Variants in CTNNA1 observed in about 807,000 individuals in gnomAD.
The protein encoded by CTNNA1 is catenin alpha-1.
In CTNNA1, 37 loss-of-function variants were observed where a neutral mutation model predicts 98.4. The observed-to-expected ratio is 0.38, with a 90% CI of 0.29 to 0.49. The LOEUF is 0.49. Among genes scored for constraint, CTNNA1 ranks in the 20% least tolerant of loss-of-function variants. The probability of loss-of-function intolerance (pLI) is 0.95; values close to 1 mark genes in which losing one functional copy is unlikely to be tolerated. For synonymous variants in CTNNA1, 404 were observed against 413.2 expected, an observed-to-expected ratio of 0.98 and a Z score of 0.27; for missense variants, 761 against 1,147.2, an observed-to-expected ratio of 0.66 and a Z score of 4.86.
At chr5:138,805,993 C>T (rs1279757175) in intron 3 of CTNNA1, among the ~76,000 whole-genome samples, 1 of 152,068 alleles carries the variant, frequency 6.6e-6, no homozygotes, top group Admixed American at 6.6e-5. Flanking sequence ...AAGACTTACA[C>T]CAGTGTTATC....
chr5:138,909,772 C>T (rs1760136078), intron 10 of CTNNA1, among the ~76,000 whole-genome samples: 1 of 152,192 alleles, frequency 6.6e-6, no homozygotes, highest in Non-Finnish European at 1.5e-5. Context: ...GAACCCTGAT[C>T]ATATTTGTGG....
At chr5:138,790,778 G>T (rs1310142890) in intron 3 of CTNNA1, 1 of 152,206 alleles carries the variant, frequency 6.6e-6, no homozygotes, top group Non-Finnish European at 1.5e-5. Flanking sequence ...GGGAAAAGGT[G>T]ATTGAGTGCT....
chr5:138,924,713 A>G lies in CTNNA1; in HGVS notation c.1747+3A>G, dbSNP rs1580856199. 6.4e-7 allele frequency: 1 copy of G among 1,562,424 alleles called. No individual in the cohort carries two copies. Among genetic ancestry groups the G allele is most frequent in the Non-Finnish European group, 8.7e-7 (1 of 1,153,224 alleles). On this transcript the variant is annotated splice_donor_region_variant and intron_variant, in intron 12 of 17. Transcript: ENST00000302763. The stretch of plus-strand genomic sequence containing the variant: ...CACTAAGCTGCTCTCCAACACAGGT[A>G]CGGGAACTCTCCCTTTCCAGTGCTC...
At chr5:138,756,008 T>G (rs12653845) in intron 1 of CTNNA1, among the ~76,000 whole-genome samples, 8,902 of 149,184 alleles carry the variant, frequency 0.06, 361 homozygotes, top group Middle Eastern at 0.13. Flanking sequence ...GATTACTAAG[T>G]GCAAGCTACC....
chr5:138,842,081 T>C (rs895547399), intron 7 of CTNNA1, among the ~76,000 whole-genome samples: 1 of 152,204 alleles, frequency 6.6e-6, no homozygotes, highest in Non-Finnish European at 1.5e-5. Context: ...TGACCTGAGA[T>C]ATTTTATTAG....
rs779150474 is a variant in CTNNA1, at chr5:138,873,720, T to C, written c.1063-12492T>C. The C allele has an allele frequency of 6.2e-7, 1 of 1,614,034 alleles. No individual in the cohort carries two copies. Among genetic ancestry groups the C allele is most frequent in the South Asian group, 1.1e-5 (1 of 91,086 alleles). On this transcript the variant is annotated intron_variant, in intron 7 of 17. Coordinates refer to ENST00000302763, the MANE Select transcript of CTNNA1 (RefSeq NM_001903.5). The surrounding 1 kb of genome is among the most constrained non-coding windows in gnomAD (Gnocchi z 6.1). ...AACTTGTTGTTATCCATGAGGAGTA[T>C]TTTAAGATTGGGCATCGTTTCAAAC...
intron 5 of CTNNA1, among the ~76,000 whole-genome samples, chr5:138,816,493 C>G (rs753730105): frequency 6.6e-6 from 1 of 152,188 alleles, no homozygotes; most frequent in African/African-American, 2.4e-5. Flanking sequence ...TTCCCACCAT[C>G]AGTGTATAAG....
intron 7 of CTNNA1, chr5:138,881,145 T>C: frequency 2.2e-6 from 1 of 455,730 alleles, no homozygotes. Context: ...GAGGTAAGAC[T>C]GTCCTCCTTG....
rs989713620 is a variant in CTNNA1, at chr5:138,873,253, A to G, written c.1063-12959A>G. The G allele has an allele frequency of 1.2e-6, 2 of 1,613,670 alleles. No homozygotes were observed. The highest frequency in any genetic ancestry group is 1.7e-5 in the Admixed American group (1 of 59,990). On this transcript the variant is annotated intron_variant, in intron 7 of 17. Coordinates refer to ENST00000302763, the MANE Select transcript of CTNNA1 (RefSeq NM_001903.5). The surrounding 1 kb of genome is among the most constrained non-coding windows in gnomAD (Gnocchi z 6.1). ...TGGAGATGAACACTATAAAAATAAT[A>G]AAAAAGAAAGAAAACAATAAAGCCA...
chr5:138,886,748 G>A (rs1271090729), intron 8 of CTNNA1, among the ~76,000 whole-genome samples: 3 of 152,240 alleles, frequency 2.0e-5, no homozygotes, highest in African/African-American at 7.2e-5. Flanking sequence ...TTGAGGTGCT[G>A]AATTTTCTGA....
chr5:138,790,744 G>A (rs939694338), intron 3 of CTNNA1, among the ~76,000 whole-genome samples: 3 of 152,196 alleles, frequency 2.0e-5, no homozygotes, highest in Non-Finnish European at 2.9e-5. Flanking sequence ...TGGTTTTAAT[G>A]GTAGGACAAG....
intron 17 of CTNNA1, 66 bp downstream of exon 17, chr5:138,932,778 C>T: frequency 1.3e-6 from 2 of 1,584,604 alleles, no homozygotes; most frequent in East Asian, 4.5e-5. Context: ...AAATGAAAGT[C>T]ACCTCCTATC....
At chr5:138,842,225 G>T (rs548754577) in intron 7 of CTNNA1, among the ~76,000 whole-genome samples, 1 of 152,062 alleles carries the variant, frequency 6.6e-6, no homozygotes, top group African/African-American at 2.4e-5. Flanking sequence ...GCCTGAGCCC[G>T]GGAAGTTGAG....
intron 10 of CTNNA1, among the ~76,000 whole-genome samples, chr5:138,912,714 G>A (rs555787178): frequency 3.0e-4 from 45 of 152,068 alleles, no homozygotes; most frequent in Non-Finnish European, 4.9e-4. Context: ...CTAGTTGGGG[G>A]CTCCTTGCAA....
chr5:138,788,214 G>T (rs1199321710), intron 3 of CTNNA1, among the ~76,000 whole-genome samples: 1 of 152,110 alleles, frequency 6.6e-6, no homozygotes, highest in Non-Finnish European at 1.5e-5. Flanking sequence ...AGCAGTGCAG[G>T]TTCTGTGCTG....
At chr5:138,872,958 A>C in intron 7 of CTNNA1, 1 of 1,322,824 alleles carries the variant, frequency 7.6e-7, no homozygotes. Flanking sequence ...TTTAGCCTCT[A>C]CTATGTAAAA....
At chr5:138,764,890 T>TTG (rs1411577474) in intron 1 of CTNNA1, among the ~76,000 whole-genome samples, 1 of 145,422 alleles carries the variant, frequency 6.9e-6, no homozygotes, top group Non-Finnish European at 1.5e-5. Flanking sequence ...TTTTTTTTTT[T>TTG]GAGATCTCGC....
chr5:138,816,769 C>T lies in CTNNA1; in HGVS notation c.588+4467C>T, dbSNP rs149517214. ...AGGCTGGAGTGCAGTGGTGCAATCT[C>T]GACTCACTGCAACCTCCACTTCCCA... On this transcript the variant is annotated intron_variant, in intron 5 of 17. Transcript: ENST00000302763. 6.1e-4 allele frequency among the ~76,000 whole-genome samples: 92 copies of T among 151,790 alleles called. No individual in the cohort carries two copies. The East Asian group carries it at 0.016, about 27-fold the overall frequency.
chr5:138,764,377 A>AG (rs1051031699), intron 1 of CTNNA1, among the ~76,000 whole-genome samples: 2 of 152,194 alleles, frequency 1.3e-5, no homozygotes, highest in African/African-American at 4.8e-5. Context: ...AACAAAAAAA[A>AG]GAAACCTTCC....
Sources: allele counts gnomAD v4.1 joint callset (sites outside exome capture counted in the v4.1 genomes callset), GRCh38; gene constraint gnomAD v4.1.1; non-coding constraint Gnocchi (gnomAD v3.1); transcripts MANE v1.5; gene names NCBI Gene and HGNC (gene_info 2026-07-23, HGNC 2026-07-21).